The following PPP1R12B variants were observed in gnomAD, a reference collection of about 807,000 sequenced individuals.
PPP1R12B encodes myosin phosphatase target subunit 2.
PPP1R12B carries 76 observed loss-of-function variants against 126.1 expected under a neutral mutation model. The ratio of observed to expected loss-of-function variants is 0.60; its 90% CI spans 0.50 to 0.73. PPP1R12B has a LOEUF of 0.73. Among genes scored for constraint, PPP1R12B ranks in the 30% least tolerant of loss-of-function variants. PPP1R12B has a pLI of 0.00. For missense variants in PPP1R12B, 1,052 were observed against 1,205.1 expected (o/e 0.87, Z 1.88); for synonymous variants, 356 against 434.7 (o/e 0.82, Z 2.25).
chr1:202,478,711 T>C (rs1676988828), intron 13 of PPP1R12B, among the ~76,000 whole-genome samples: 1 of 152,106 alleles, frequency 6.6e-6, no homozygotes, highest in South Asian at 2.1e-4. Context: ...TGTGGTGGAA[T>C]TTTAGTTGAT....
intron 1 of PPP1R12B, chr1:202,370,073 G>T (rs746965784): frequency 1.0e-5 from 2 of 195,610 alleles, no homozygotes; most frequent in Admixed American, 6.2e-5. Flanking sequence ...GGGACTACAG[G>T]CGTAAACTAC....
At chr1:202,382,668 G>A (rs1375269059) in intron 1 of PPP1R12B, among the ~76,000 whole-genome samples, 1 of 151,838 alleles carries the variant, frequency 6.6e-6, no homozygotes, top group Non-Finnish European at 1.5e-5. Flanking sequence ...TTTGAAGCCA[G>A]GAGTTCAAGA....
At chr1:202,350,710 T>A (rs142913272) in intron 1 of PPP1R12B, among the ~76,000 whole-genome samples, 166 of 152,098 alleles carry the variant, frequency 1.1e-3, no homozygotes, top group African/African-American at 3.8e-3. Flanking sequence ...AACCTCTGCC[T>A]CTTGGTTTCA....
At chr1:202,553,306 G>A (rs1391561182) in intron 18 of PPP1R12B, among the ~76,000 whole-genome samples, 7 of 152,132 alleles carry the variant, frequency 4.6e-5, no homozygotes, top group Non-Finnish European at 1.0e-4. Context: ...CATAAAAGCT[G>A]TGAAAGTAAT....
chr1:202,415,210 T>G (rs1458179546), intron 1 of PPP1R12B, among the ~76,000 whole-genome samples: 1 of 152,232 alleles, frequency 6.6e-6, no homozygotes. Context: ...TATTCTTAAG[T>G]GAAACTGGCT....
intron 1 of PPP1R12B, among the ~76,000 whole-genome samples, chr1:202,390,883 C>T (rs1664044964): frequency 6.6e-6 from 1 of 152,114 alleles, no homozygotes; most frequent in African/African-American, 2.4e-5. Context: ...GGCACTATAG[C>T]AGGACAACAT....
At chr1:202,511,297 A>G (rs937632639) in intron 18 of PPP1R12B, among the ~76,000 whole-genome samples, 1 of 151,614 alleles carries the variant, frequency 6.6e-6, no homozygotes, top group Admixed American at 6.6e-5. Context: ...GCTCACTGCA[A>G]TCTCCGCCTC....
At chr1:202,489,754 T>C (rs1204150971) in intron 14 of PPP1R12B, among the ~76,000 whole-genome samples, 4 of 152,116 alleles carry the variant, frequency 2.6e-5, no homozygotes, top group African/African-American at 9.7e-5. Context: ...AATTATGAAA[T>C]TAGATGTGGT....
intron 18 of PPP1R12B, among the ~76,000 whole-genome samples, chr1:202,536,783 A>G (rs1331110189): frequency 6.7e-6 from 1 of 149,730 alleles, no homozygotes; most frequent in Non-Finnish European, 1.5e-5. Flanking sequence ...TTTTTTTTTT[A>G]ACTTTAAAAC....
intron 23 of PPP1R12B, chr1:202,575,063 A>C: frequency 6.2e-7 from 1 of 1,613,684 alleles, no homozygotes; most frequent in Non-Finnish European, 8.5e-7. Context: ...CTGCAGGCTG[A>C]GAACAGGGCC....
chr1:202,350,537 A>G (rs2148358158), intron 1 of PPP1R12B, among the ~76,000 whole-genome samples: 1 of 152,370 alleles, frequency 6.6e-6, no homozygotes, highest in East Asian at 1.9e-4. Flanking sequence ...GTAAAATGAG[A>G]TAAAAGCTAA....
At chr1:202,503,555 G>A (rs1680455274) in intron 18 of PPP1R12B, among the ~76,000 whole-genome samples, 1 of 152,172 alleles carries the variant, frequency 6.6e-6, no homozygotes, top group East Asian at 1.9e-4. Flanking sequence ...AAAACCATGA[G>A]ATTGAATGTG....
chr1:202,353,629 T>TGTGTGTGAGA lies in PPP1R12B; in HGVS notation c.291+4488_291+4489insTGTGTGAGAG, dbSNP rs540599307. Among the ~76,000 whole-genome samples, 98 of 138,266 alleles carry TGTGTGTGAGA rather than the reference T, an allele frequency of 7.1e-4. 1 individual carries two copies. In the East Asian group the frequency reaches 0.014, roughly 19 times the overall value. 90.7% of individuals were successfully genotyped at this position (138,266 alleles called of 152,430 possible). ...GTGTGTGTGTGTGTGTGTGTGTGTG[T>TGTGTGTGAGA]GACAGGGTCTTGCCCTGTTACCCAG... On this transcript the variant is annotated intron_variant, in intron 1 of 23. Coordinates refer to ENST00000608999, the MANE Select transcript of PPP1R12B (RefSeq NM_002481.4).
rs548404529 is a variant in PPP1R12B, at chr1:202,439,510, C to G, written c.1459-1196C>G. On this transcript the variant is annotated intron_variant, in intron 10 of 23. Transcript: ENST00000608999. ...AGCCCATGGAAGTGGCTGTTTGGGG[C>G]GACTGCTGTTGCCTTGGGGGGTGTG... The G allele has an allele frequency of 8.7e-5, 133 of 1,533,168 alleles. No individual in the cohort carries two copies. The African/African-American group carries it at 1.3e-3, about 16-fold the overall frequency. 95.0% of individuals were successfully genotyped at this position (1,533,168 alleles called of 1,614,324 possible).
At chr1:202,558,317 A>G (rs536977897) in intron 18 of PPP1R12B, among the ~76,000 whole-genome samples, 14 of 150,768 alleles carry the variant, frequency 9.3e-5, no homozygotes, top group African/African-American at 2.7e-4. Context: ...TTTTCTAACC[A>G]GCATCCTAGG....
chr1:202,548,773 GCTGTCTCT>G (rs56175913), intron 18 of PPP1R12B, among the ~76,000 whole-genome samples: 1,255 of 106,520 alleles, frequency 0.012, 29 homozygotes, highest in East Asian at 0.031. Context: ...TCACTCGCTC[GCTGTCTCT>G]CTCTCTCTCT....
chr1:202,466,405 T>G (rs997719149), intron 13 of PPP1R12B, among the ~76,000 whole-genome samples: 1 of 152,162 alleles, frequency 6.6e-6, no homozygotes, highest in African/African-American at 2.4e-5. Context: ...TATTATTCTT[T>G]CCTGGCTCAC....
At chr1:202,529,195 A>G (rs758268801) in intron 18 of PPP1R12B, among the ~76,000 whole-genome samples, 9 of 152,164 alleles carry the variant, frequency 5.9e-5, no homozygotes, top group Non-Finnish European at 8.8e-5. Flanking sequence ...ATGAATAAAC[A>G]TTTACATTGC....
chr1:202,534,888 A>C (rs1684371940), intron 18 of PPP1R12B, among the ~76,000 whole-genome samples: 1 of 152,360 alleles, frequency 6.6e-6, no homozygotes, highest in South Asian at 2.1e-4. Flanking sequence ...AATGCATAGA[A>C]TATAAAAACT....
Sources: gnomAD v4.1 joint callset for allele counts (sites outside exome capture counted in the v4.1 genomes callset) on GRCh38, gnomAD v4.1.1 for gene constraint, MANE v1.5 for transcripts, NCBI Gene and HGNC (gene_info 2026-07-23, HGNC 2026-07-21) for gene names.